The following SUCLG2 variants were observed in gnomAD, a reference collection of about 807,000 sequenced individuals.
SUCLG2 encodes succinate-CoA ligase GDP-forming subunit beta.
In SUCLG2, 42 loss-of-function variants were observed where a neutral mutation model predicts 47.9. The observed-to-expected ratio is 0.88, with a 90% CI of 0.69 to 1.14. The LOEUF (loss-of-function observed/expected upper bound fraction) is 1.14. SUCLG2 is among the 50% of genes most tolerant of loss of function. The probability of loss-of-function intolerance (pLI) is 0.00; values close to 1 mark genes in which losing one functional copy is unlikely to be tolerated. For synonymous variants in SUCLG2, 195 were observed against 197.3 expected (o/e 0.99, Z 0.10); for missense variants, 571 against 525.9 (o/e 1.09, Z -0.84).
chr3:67,568,170 A>G (rs1285918821), intron 2 of SUCLG2, among the ~76,000 whole-genome samples: 3 of 152,202 alleles, frequency 2.0e-5, no homozygotes, highest in Admixed American at 6.5e-5. Flanking sequence ...GCTTAAATGT[A>G]CTGAAGAAAA....
intron 2 of SUCLG2, among the ~76,000 whole-genome samples, chr3:67,602,004 A>AAAAAAAT (rs1708431234): frequency 6.6e-6 from 1 of 150,772 alleles, no homozygotes; most frequent in Non-Finnish European, 1.5e-5. Flanking sequence ...TTAAAAATTA[A>AAAAAAAT]AAAAATAAAA....
intron 2 of SUCLG2, 36 bp downstream of exon 2, chr3:67,609,419 G>C (rs1700488175): frequency 6.3e-7 from 1 of 1,593,076 alleles, no homozygotes; most frequent in East Asian, 2.2e-5. Flanking sequence ...TCACTGATTT[G>C]GGCAAGTGTA....
chr3:67,549,892 A>G (rs556230453), intron 2 of SUCLG2, among the ~76,000 whole-genome samples: 5 of 152,250 alleles, frequency 3.3e-5, no homozygotes, highest in Non-Finnish European at 5.9e-5. Context: ...CAAGGAACGT[A>G]TATTGTATCT....
intron 7 of SUCLG2, among the ~76,000 whole-genome samples, chr3:67,506,978 C>A (rs908947759): frequency 3.3e-5 from 5 of 152,178 alleles, no homozygotes; most frequent in Non-Finnish European, 4.4e-5. Flanking sequence ...GTTCAAATCC[C>A]AGCTTTTGTA....
chr3:67,490,804 T>C (rs1339383394), intron 9 of SUCLG2, among the ~76,000 whole-genome samples: 1 of 152,188 alleles, frequency 6.6e-6, no homozygotes, highest in African/African-American at 2.4e-5. Context: ...TTACAGAGTA[T>C]ATTCAAATGG....
At chr3:67,551,145 T>G (rs1707003590) in intron 2 of SUCLG2, among the ~76,000 whole-genome samples, 1 of 152,178 alleles carries the variant, frequency 6.6e-6, no homozygotes, top group Non-Finnish European at 1.5e-5. Context: ...TAAAATGTGC[T>G]CATGGTTGAT....
intron 9 of SUCLG2, among the ~76,000 whole-genome samples, chr3:67,455,934 G>A (rs538614596): frequency 3.3e-5 from 5 of 152,210 alleles, no homozygotes; most frequent in Admixed American, 6.5e-5. Context: ...CAAATTTAAC[G>A]TATTATTACC....
Position 67,548,527 on chromosome 3 carries a change from A to C in SUCLG2, c.227-19341T>G, listed in dbSNP as rs142698070. Among the ~76,000 whole-genome samples, 10 of 152,356 alleles carry C rather than the reference A, an allele frequency of 6.6e-5. No homozygotes were observed. The East Asian group carries it at 1.9e-3, about 29-fold the overall frequency. ...TATTAGAGTTTAAAAATATTAATTT[A>C]TAATAAACATTAAGAACCAAATAAG... On this transcript the variant is annotated intron_variant, in intron 2 of 10. Coordinates refer to ENST00000307227, the MANE Select transcript of SUCLG2 (RefSeq NM_003848.4).
chr3:67,653,089 G>A (rs923104126), intron 1 of SUCLG2, among the ~76,000 whole-genome samples: 1 of 152,206 alleles, frequency 6.6e-6, no homozygotes, highest in Non-Finnish European at 1.5e-5. Context: ...GGTTAGGGAA[G>A]TAGGCTTCAC....
At chr3:67,397,901 C>T (rs1006047083) in intron 10 of SUCLG2, among the ~76,000 whole-genome samples, 3 of 151,028 alleles carry the variant, frequency 2.0e-5, no homozygotes, top group African/African-American at 7.3e-5. Flanking sequence ...ACTAACCTGA[C>T]AAAAAGAAGC....
chr3:67,624,828 A>T (rs915081730), intron 1 of SUCLG2, among the ~76,000 whole-genome samples: 1 of 152,216 alleles, frequency 6.6e-6, no homozygotes, highest in African/African-American at 2.4e-5. Context: ...TGCAGAATGC[A>T]CGGTAGTCAA....
At chr3:67,394,545 A>C (rs1364715809) in intron 10 of SUCLG2, among the ~76,000 whole-genome samples, 1 of 151,658 alleles carries the variant, frequency 6.6e-6, no homozygotes, top group Non-Finnish European at 1.5e-5. Flanking sequence ...TCTACGTCTC[A>C]TTGGTGTACC....
At chr3:67,488,827 A>G (rs945072083) in intron 9 of SUCLG2, among the ~76,000 whole-genome samples, 12 of 151,290 alleles carry the variant, frequency 7.9e-5, no homozygotes, top group Non-Finnish European at 1.5e-4. Flanking sequence ...TTCATGGTCC[A>G]TTTCTCTTTA....
chr3:67,641,741 A>ATTTTG (rs1189301249), intron 1 of SUCLG2, among the ~76,000 whole-genome samples: 1 of 152,210 alleles, frequency 6.6e-6, no homozygotes, highest in Non-Finnish European at 1.5e-5. Context: ...AAAGTACCAC[A>ATTTTG]TACTGGGTGG....
chr3:67,380,959 T>C (rs1702145720), intron 10 of SUCLG2, among the ~76,000 whole-genome samples: 1 of 152,082 alleles, frequency 6.6e-6, no homozygotes, highest in Non-Finnish European at 1.5e-5. Flanking sequence ...AACTACCACT[T>C]GCTTCCTCCT....
At chr3:67,531,879 C>T (rs577500996) in intron 2 of SUCLG2, among the ~76,000 whole-genome samples, 85 of 152,266 alleles carry the variant, frequency 5.6e-4, no homozygotes, top group Middle Eastern at 3.4e-3. Flanking sequence ...TCTCTTCATT[C>T]AGTATTTACC....
intron 2 of SUCLG2, among the ~76,000 whole-genome samples, chr3:67,594,951 T>C (rs1239194946): frequency 3.3e-5 from 5 of 152,088 alleles, no homozygotes. Context: ...CCAAATGAAA[T>C]AATACCTCAA....
intron 10 of SUCLG2, among the ~76,000 whole-genome samples, chr3:67,362,797 T>C (rs1002586983): frequency 1.3e-5 from 2 of 152,188 alleles, no homozygotes; most frequent in Non-Finnish European, 2.9e-5. Context: ...CATTCAAAGA[T>C]ACCTGAGAGG....
intron 2 of SUCLG2, among the ~76,000 whole-genome samples, chr3:67,554,511 C>A (rs1041664779): frequency 6.6e-5 from 10 of 152,076 alleles, no homozygotes; most frequent in Non-Finnish European, 1.5e-4. Context: ...GTGCTACACT[C>A]CTTTATGAAT....
Sources: allele counts gnomAD v4.1 joint callset (sites outside exome capture counted in the v4.1 genomes callset), GRCh38; gene constraint gnomAD v4.1.1; transcripts MANE v1.5; gene names NCBI Gene and HGNC (gene_info 2026-07-23, HGNC 2026-07-21).